Variants in CFAP96 observed in about 807,000 individuals in gnomAD.
CFAP96 encodes the protein cilia and flagella associated protein 96.
chr4:185,426,254 A>G, the CFAP96 span: 2,519 of 223,192 alleles, frequency 0.011, 62 homozygotes, highest in African/African-American at 0.054. Flanking sequence ...TGGAACGTGC[A>G]GAGGCGCTGC....
At chr4:185,447,388 G>A in the CFAP96 span, among the ~76,000 whole-genome samples, 1 of 152,026 alleles carries the variant, frequency 6.6e-6, no homozygotes, top group African/African-American at 2.4e-5. Flanking sequence ...CACTGTGTTA[G>A]CCAGGATGGA....
At chr4:185,422,401 TCA>T in the CFAP96 span, 6 of 982,326 alleles carry the variant, frequency 6.1e-6, no homozygotes, top group East Asian at 2.5e-5. Context: ...TATCTCTCTC[TCA>T]GTTTCATTTG....
the CFAP96 span, among the ~76,000 whole-genome samples, chr4:185,414,453 A>C: frequency 6.6e-6 from 1 of 152,166 alleles, no homozygotes; most frequent in Non-Finnish European, 1.5e-5. Context: ...CATGTTCTTT[A>C]TCATATCTTG....
chr4:185,445,616 A>G, the CFAP96 span: 1 of 960,646 alleles, frequency 1.0e-6, no homozygotes, highest in South Asian at 1.6e-5. Context: ...AAAGTATATT[A>G]TCAAGGTATC....
the CFAP96 span, among the ~76,000 whole-genome samples, chr4:185,431,346 A>G: frequency 6.6e-6 from 1 of 152,194 alleles, no homozygotes; most frequent in Non-Finnish European, 1.5e-5. Context: ...GATCTAAATT[A>G]TGAAAGAAGT....
chr4:185,423,430 T>C, the CFAP96 span, among the ~76,000 whole-genome samples: 1 of 152,148 alleles, frequency 6.6e-6, no homozygotes, highest in Non-Finnish European at 1.5e-5. Context: ...GCAGTAAGAA[T>C]CAAAGGTTTA....
the CFAP96 span, among the ~76,000 whole-genome samples, chr4:185,411,428 T>A: frequency 1.3e-5 from 2 of 151,446 alleles, no homozygotes; most frequent in Non-Finnish European, 2.9e-5. Context: ...ATATCACTAA[T>A]AAAAAAACAA....
chr4:185,421,411 A>T, the CFAP96 span, among the ~76,000 whole-genome samples: 1 of 152,174 alleles, frequency 6.6e-6, no homozygotes, highest in African/African-American at 2.4e-5. Flanking sequence ...AGGTGTTTGA[A>T]TCATGATCCC....
the CFAP96 span, chr4:185,445,484 T>C: frequency 6.4e-7 from 1 of 1,553,664 alleles, no homozygotes. Context: ...GGGAGTTTCT[T>C]AGCAATCTTG....
chr4:185,411,208 G>A, the CFAP96 span, among the ~76,000 whole-genome samples: 1 of 150,570 alleles, frequency 6.6e-6, no homozygotes, highest in Admixed American at 6.6e-5. Context: ...TTAAAACCTA[G>A]GTAAATAACT....
At chr4:185,415,972 T>C in the CFAP96 span, 4 of 964,312 alleles carry the variant, frequency 4.1e-6, no homozygotes, top group Non-Finnish European at 5.8e-6. Context: ...AAGAAAAAAA[T>C]TTAAGACTAG....
chr4:185,449,804 TAATA>T, the CFAP96 span: 3 of 460,802 alleles, frequency 6.5e-6, no homozygotes, highest in African/African-American at 4.1e-5. Flanking sequence ...TACTACTAGT[TAATA>T]AATAGTATTT....
chr4:185,417,691 C>T, the CFAP96 span, among the ~76,000 whole-genome samples: 1 of 152,148 alleles, frequency 6.6e-6, no homozygotes, highest in South Asian at 2.1e-4. Context: ...CATTTTCTAT[C>T]TTCAATATCT....
chr4:185,409,556 C>G, the CFAP96 span, among the ~76,000 whole-genome samples: 1 of 152,048 alleles, frequency 6.6e-6, no homozygotes, highest in African/African-American at 2.4e-5. Context: ...CCAACCCTCA[C>G]CCAACAATTA....
At chr4:185,439,610 TTTA>T in the CFAP96 span, among the ~76,000 whole-genome samples, 4 of 151,914 alleles carry the variant, frequency 2.6e-5, no homozygotes, top group African/African-American at 7.3e-5. Flanking sequence ...TTTTTGCTAC[TTTA>T]TTAATAGCCA....
chr4:185,422,068 T>C, the CFAP96 span, among the ~76,000 whole-genome samples: 1 of 152,256 alleles, frequency 6.6e-6, no homozygotes, highest in South Asian at 2.1e-4. Flanking sequence ...ATAAACCCTG[T>C]TGATTTTTCT....
At chr4:185,415,379 A>G in the CFAP96 span, 2 of 1,508,466 alleles carry the variant, frequency 1.3e-6, no homozygotes, top group Non-Finnish European at 1.8e-6. Flanking sequence ...TGTATTAACA[A>G]AAGTTATAGT....
At chr4:185,424,587 T>C in the CFAP96 span, among the ~76,000 whole-genome samples, 1 of 152,250 alleles carries the variant, frequency 6.6e-6, no homozygotes, top group African/African-American at 2.4e-5. Flanking sequence ...GTTGTCCATT[T>C]ATTCTACCGT....
the CFAP96 span, among the ~76,000 whole-genome samples, chr4:185,443,953 T>TGAGACGGAG: frequency 6.2e-5 from 1 of 16,152 alleles, no homozygotes; most frequent in African/African-American, 1.7e-4. Flanking sequence ...TTTTTTTTTT[T>TGAGACGGAG]TTTTTTTTTT....
Sources: gnomAD v4.1 joint callset for allele counts (sites outside exome capture counted in the v4.1 genomes callset) on GRCh38, gnomAD v4.1.1 for gene constraint, MANE v1.5 for transcripts, NCBI Gene and HGNC (gene_info 2026-07-23, HGNC 2026-07-21) for gene names.